The following PDE1A variants were observed in gnomAD, a reference collection of about 807,000 sequenced individuals.
PDE1A encodes the protein phosphodiesterase 1A, also known as dual specificity calcium/calmodulin-dependent 3',5'-cyclic nucleotide phosphodiesterase 1A.
PDE1A carries 35 observed loss-of-function variants against 61.7 expected under a neutral mutation model. The ratio of observed to expected loss-of-function variants is 0.57; its 90% CI spans 0.43 to 0.75. The LOEUF (loss-of-function observed/expected upper bound fraction) is 0.75. PDE1A is among the 30% of genes least tolerant of loss of function. The pLI, the probability that PDE1A is intolerant of heterozygous loss-of-function variation, is 0.00. For synonymous variants in PDE1A, 232 were observed against 213.2 expected, an observed-to-expected ratio of 1.09 and a Z score of -0.77; for missense variants, 597 against 630.6, an observed-to-expected ratio of 0.95 and a Z score of 0.57.
intron 2 of PDE1A, among the ~76,000 whole-genome samples, chr2:182,432,471 T>C (rs1704005145): frequency 1.3e-5 from 2 of 152,000 alleles, no homozygotes; most frequent in Admixed American, 6.6e-5. Context: ...ATTTTCCTTA[T>C]AGCTTCAACC....
the PDE1A span, among the ~76,000 whole-genome samples, chr2:182,608,169 G>A: frequency 3.2e-3 from 480 of 152,330 alleles, 2 homozygotes; most frequent in African/African-American, 0.011. Flanking sequence ...TTCTCCAAGA[G>A]GGGTGGGGGT....
At chr2:182,415,733 T>C (rs1702876366) in intron 1 of PDE1A, among the ~76,000 whole-genome samples, 1 of 152,178 alleles carries the variant, frequency 6.6e-6, no homozygotes, top group South Asian at 2.1e-4. Context: ...GTCATCACAG[T>C]AAATCGTATG....
chr2:182,373,593 G>C (rs750987871), intron 1 of PDE1A, among the ~76,000 whole-genome samples: 1 of 152,098 alleles, frequency 6.6e-6, no homozygotes, highest in Non-Finnish European at 1.5e-5. Flanking sequence ...TTTCCTTAAA[G>C]TAAACATTCA....
rs748887032 is a variant in PDE1A at position 182,201,676 on chromosome 2, C to T, written c.1004+12G>A. 8.1e-6 allele frequency: 11 copies of T among 1,363,482 alleles called. No individual in the cohort carries two copies. In the Admixed American group the frequency reaches 1.2e-4, roughly 15 times the overall value. The allele number at this position is 1,363,482 out of a possible 1,614,324, so 84.5% of individuals were successfully genotyped here. On this transcript the variant is annotated intron_variant, in intron 9 of 13. Transcript: ENST00000351439. ...AAAAAAAAAAAAACAACAAAAAAAACACAAAACCTACCCTTCAGGCTGCTG... is the reference window on the plus strand; with the variant it reads ...AAAAAAAAAAAAACAACAAAAAAAATACAAAACCTACCCTTCAGGCTGCTG...
At chr2:182,465,221 A>T (rs1279662408) in intron 2 of PDE1A, among the ~76,000 whole-genome samples, 1 of 152,132 alleles carries the variant, frequency 6.6e-6, no homozygotes, top group East Asian at 1.9e-4. Flanking sequence ...TTAAAATCTA[A>T]CCTAAAGTTT....
chr2:182,203,787 T>C (rs910933564), intron 8 of PDE1A, among the ~76,000 whole-genome samples: 1 of 151,900 alleles, frequency 6.6e-6, no homozygotes, highest in Admixed American at 6.6e-5. Context: ...TAAACAGATA[T>C]GTAAACAGAA....
intron 10 of PDE1A, among the ~76,000 whole-genome samples, chr2:182,192,231 T>A (rs535668262): frequency 3.4e-4 from 52 of 152,144 alleles, no homozygotes; most frequent in Non-Finnish European, 4.4e-4. Context: ...TTGACAGATA[T>A]ATGCAGGGAT....
intron 10 of PDE1A, among the ~76,000 whole-genome samples, chr2:182,197,517 G>A (rs1318430886): frequency 6.7e-6 from 1 of 149,912 alleles, no homozygotes; most frequent in Non-Finnish European, 1.5e-5. Context: ...TTTCCTCTAA[G>A]ATCTTTATAG....
At chr2:182,608,890 T>C in the PDE1A span, among the ~76,000 whole-genome samples, 1 of 152,212 alleles carries the variant, frequency 6.6e-6, no homozygotes, top group African/African-American at 2.4e-5. Context: ...TGAATCTTTA[T>C]GTCTAGCTAA....
At chr2:182,389,125 A>C (rs1398657798) in intron 1 of PDE1A, among the ~76,000 whole-genome samples, 2 of 152,204 alleles carry the variant, frequency 1.3e-5, no homozygotes, top group African/African-American at 4.8e-5. Flanking sequence ...TTTGTAAGTA[A>C]TGATACCAAC....
At chr2:182,273,019 T>C (rs1693147001) in intron 1 of PDE1A, among the ~76,000 whole-genome samples, 1 of 152,158 alleles carries the variant, frequency 6.6e-6, no homozygotes, top group South Asian at 2.1e-4. Context: ...TTATTTCCTC[T>C]ATTATCATTG....
At chr2:182,593,681 A>T in the PDE1A span, among the ~76,000 whole-genome samples, 56,234 of 152,038 alleles carry the variant, frequency 0.37, 11,980 homozygotes, top group East Asian at 0.62. Flanking sequence ...GACCCCTTAC[A>T]TGTTACATGA....
intron 1 of PDE1A, among the ~76,000 whole-genome samples, chr2:182,374,000 CA>C (rs1389334869): frequency 1.3e-5 from 2 of 152,094 alleles, no homozygotes; most frequent in Admixed American, 6.6e-5. Context: ...TTTGCCACAG[CA>C]GTCATTCAAT....
intron 1 of PDE1A, among the ~76,000 whole-genome samples, chr2:182,359,943 C>T (rs1006882128): frequency 1.3e-5 from 2 of 152,058 alleles, no homozygotes; most frequent in Non-Finnish European, 2.9e-5. Context: ...CAGTTCAAAC[C>T]TGCAATTTCT....
At chr2:182,598,564 A>G in the PDE1A span, among the ~76,000 whole-genome samples, 4 of 148,066 alleles carry the variant, frequency 2.7e-5, no homozygotes, top group East Asian at 7.8e-4. Flanking sequence ...CTCTGTCTCA[A>G]AAAAAAAAAA....
At chr2:182,208,221 G>C (rs1345566640) in intron 7 of PDE1A, among the ~76,000 whole-genome samples, 1 of 152,174 alleles carries the variant, frequency 6.6e-6, no homozygotes, top group Non-Finnish European at 1.5e-5. Context: ...CTGAGGCTGG[G>C]TAATTTATAA....
the PDE1A span, among the ~76,000 whole-genome samples, chr2:182,541,913 T>C: frequency 6.6e-6 from 1 of 152,180 alleles, no homozygotes; most frequent in Non-Finnish European, 1.5e-5. Flanking sequence ...GCTTTATGTG[T>C]GACTTGAGCA....
intron 2 of PDE1A, among the ~76,000 whole-genome samples, chr2:182,520,294 A>C (rs987502893): frequency 3.9e-5 from 6 of 151,940 alleles, no homozygotes; most frequent in African/African-American, 1.4e-4. Context: ...AAAATGTACT[A>C]AGTCAAAGTA....
intron 1 of PDE1A, among the ~76,000 whole-genome samples, chr2:182,419,336 C>CTTTT (rs35320184): frequency 3.8e-5 from 5 of 132,634 alleles, no homozygotes; most frequent in Non-Finnish European, 3.3e-5. Flanking sequence ...TTTTTCTTTT[C>CTTTT]TTTTTTTTTT....
Sources: gnomAD v4.1 joint callset for allele counts (sites outside exome capture counted in the v4.1 genomes callset) on GRCh38, gnomAD v4.1.1 for gene constraint, MANE v1.5 for transcripts, NCBI Gene and HGNC (gene_info 2026-07-23, HGNC 2026-07-21) for gene names.